FGF2: variants seen among roughly 807,000 people sequenced by gnomAD.
FGF2 encodes the protein basic fibroblast growth factor bFGF.
A neutral mutation model predicts 15.9 loss-of-function variants in FGF2; 13 were observed. The observed-to-expected ratio is 0.82, with a 90% CI of 0.53 to 1.30. The LOEUF (loss-of-function observed/expected upper bound fraction) is 1.30, where lower values mean the gene tolerates loss of function less well. Among genes scored for constraint, FGF2 ranks in the 50% most tolerant of loss-of-function variants. FGF2 has a pLI of 0.00. For missense variants in FGF2, 163 were observed against 196.9 expected (o/e 0.83, Z 1.03); for synonymous variants, 90 against 78.4 (o/e 1.15, Z -0.78).
At position 122,893,917 on chromosome 4, in the gene FGF2, A is replaced by G. The variant is rs1319867484; in HGVS notation, c.*1521A>G. On this transcript the variant is annotated 3_prime_UTR_variant, in exon 3 of 3. Coordinates refer to ENST00000644866, the MANE Select transcript of FGF2 (RefSeq NM_001361665.2). ...GCCTTCCTCTACCACTTTGCTGGAA[A>G]GCTTCACAATTGTCACAGACAAAGA... is the stretch of plus-strand genomic sequence containing the variant. 3.3e-5 allele frequency: 5 copies of G among 152,212 alleles called. No homozygotes were observed. The highest frequency in any genetic ancestry group is 3.3e-4 in the Admixed American group (5 of 15,278). 9.4% of individuals were successfully genotyped at this position (152,212 alleles called of 1,614,324 possible).
intron 1 of FGF2, among the ~76,000 whole-genome samples, chr4:122,831,850 T>C (rs1578447609): frequency 6.6e-6 from 1 of 152,358 alleles, no homozygotes; most frequent in East Asian, 1.9e-4. Flanking sequence ...TATGATGCCA[T>C]TTTATGTGGA....
intron 2 of FGF2, among the ~76,000 whole-genome samples, chr4:122,889,360 T>A (rs1388344875): frequency 6.6e-6 from 1 of 152,198 alleles, no homozygotes; most frequent in Non-Finnish European, 1.5e-5. Context: ...GACCCCTTTT[T>A]ATCCGAAGTT....
At chr4:122,873,496 T>G (rs2079709748) in intron 1 of FGF2, among the ~76,000 whole-genome samples, 1 of 152,244 alleles carries the variant, frequency 6.6e-6, no homozygotes. Context: ...ATTCCTCACA[T>G]CAGCAGCTAA....
rs760850966 is a variant in FGF2, at chr4:122,844,571, T to TTTTCTTTCTTTCTTTCTTTC, written c.178+17237_178+17238insTCTTTCTTTCTTTCTTTCTT. Among the ~76,000 whole-genome samples the TTTTCTTTCTTTCTTTCTTTC allele has an allele frequency of 9.3e-5, 12 of 128,354 alleles. 1 individual carries two copies. Among genetic ancestry groups the TTTTCTTTCTTTCTTTCTTTC allele is most frequent in the African/African-American group, 4.4e-4 (12 of 26,996 alleles). The allele number at this position is 128,354 out of a possible 152,430, so 84.2% of individuals were successfully genotyped here. On this transcript the variant is annotated intron_variant, in intron 1 of 2. Transcript: ENST00000644866. ...TTTCTTTCTCTTTTTCTTTCTTTCT[T>TTTTCTTTCTTTCTTTCTTTC]TTTCTTTCTTTCTTTCTTCCTTCCT...
intron 1 of FGF2, among the ~76,000 whole-genome samples, chr4:122,852,973 G>GC (rs5861581): frequency 1 from 152,236 of 152,336 alleles, 76,068 homozygotes; most frequent in Non-Finnish European, 1. Context: ...CTTTTCTGAG[G>GC]CCTTATTTAT....
chr4:122,856,151 A>G (rs1378740781), intron 1 of FGF2, among the ~76,000 whole-genome samples: 2 of 152,238 alleles, frequency 1.3e-5, no homozygotes, highest in African/African-American at 4.8e-5. Flanking sequence ...TTAGAATAAA[A>G]TCATTGAAAT....
At chr4:122,851,726 C>T (rs1726236301) in intron 1 of FGF2, among the ~76,000 whole-genome samples, 2 of 152,130 alleles carry the variant, frequency 1.3e-5, no homozygotes, top group South Asian at 4.1e-4. Flanking sequence ...GGCTTTTCTT[C>T]CTGGCCCTAA....
At chr4:122,839,051 C>T (rs368687237) in intron 1 of FGF2, among the ~76,000 whole-genome samples, 2 of 152,070 alleles carry the variant, frequency 1.3e-5, no homozygotes, top group East Asian at 1.9e-4. Context: ...GTTTGCAGCC[C>T]GGGAGCAATA....
chr4:122,893,244 G>A lies in FGF2; in HGVS notation c.*848G>A. 6.4e-7 allele frequency: 1 copy of A among 1,560,786 alleles called. No homozygotes were observed. Among genetic ancestry groups the A allele is most frequent in the Non-Finnish European group, 8.7e-7 (1 of 1,155,420 alleles). Reference sequence around the variant, plus strand: ...GTGTCTCCTACGTAAAAAAAGAGATGTACAAATCAATAATAATTACACTTT... The same window carrying A: ...GTGTCTCCTACGTAAAAAAAGAGATATACAAATCAATAATAATTACACTTT... On this transcript the variant is annotated 3_prime_UTR_variant, in exon 3 of 3. Coordinates refer to ENST00000644866, the MANE Select transcript of FGF2 (RefSeq NM_001361665.2).
At chr4:122,884,215 C>G (rs1234576425) in intron 2 of FGF2, among the ~76,000 whole-genome samples, 3 of 152,314 alleles carry the variant, frequency 2.0e-5, no homozygotes, top group East Asian at 3.9e-4. Context: ...AAATTTAGGC[C>G]TGGCACAATG....
At chr4:122,851,548 TA>T (rs1297713815) in intron 1 of FGF2, among the ~76,000 whole-genome samples, 1 of 152,176 alleles carries the variant, frequency 6.6e-6, no homozygotes. Flanking sequence ...TTAGCCGAAA[TA>T]TGGCTTAAAT....
chr4:122,832,874 T>G (rs1725791961), intron 1 of FGF2, among the ~76,000 whole-genome samples: 1 of 152,200 alleles, frequency 6.6e-6, no homozygotes, highest in African/African-American at 2.4e-5. Context: ...CAACAAGGCC[T>G]TTTAAGCTAG....
At chr4:122,867,490 A>AT (rs1192310601) in intron 1 of FGF2, among the ~76,000 whole-genome samples, 1 of 152,126 alleles carries the variant, frequency 6.6e-6, no homozygotes, top group Non-Finnish European at 1.5e-5. Context: ...CTGGCAGTTA[A>AT]TTTTTTTCTG....
chr4:122,892,656 A>G lies in FGF2; in HGVS notation c.*260A>G, dbSNP rs1166599503. On this transcript the variant is annotated 3_prime_UTR_variant, in exon 3 of 3. Coordinates refer to ENST00000644866, the MANE Select transcript of FGF2 (RefSeq NM_001361665.2). ...CCTAGAGCAATGATCTTTTTCACGC[A>G]TTTGCTTTATTCGAAAAGAGGCTTT... is the stretch of plus-strand genomic sequence containing the variant. The G allele has an allele frequency of 7.1e-7, 1 of 1,402,710 alleles. No individual in the cohort carries two copies. Among genetic ancestry groups the G allele is most frequent in the Non-Finnish European group, 9.3e-7 (1 of 1,070,334 alleles). 86.9% of individuals were successfully genotyped at this position (1,402,710 alleles called of 1,614,324 possible).
chr4:122,876,295 A>G (rs1388605616), intron 1 of FGF2, 26 bp from the exon 2 acceptor site: 3 of 1,391,304 alleles, frequency 2.2e-6, no homozygotes, highest in South Asian at 2.3e-5. Flanking sequence ...GTGGTGCTAC[A>G]AAGATAATTT....
intron 2 of FGF2, among the ~76,000 whole-genome samples, chr4:122,881,210 G>A (rs1317549889): frequency 6.6e-6 from 1 of 152,142 alleles, no homozygotes. Context: ...GGGAAGGACT[G>A]CTGCAAAGGT....
intron 1 of FGF2, among the ~76,000 whole-genome samples, chr4:122,869,552 A>C (rs1479164004): frequency 6.6e-6 from 1 of 152,104 alleles, no homozygotes; most frequent in Non-Finnish European, 1.5e-5. Context: ...GGTCCTTCAC[A>C]TCCCTTGTTA....
At chr4:122,836,846 T>C (rs1245468944) in intron 1 of FGF2, among the ~76,000 whole-genome samples, 1 of 152,244 alleles carries the variant, frequency 6.6e-6, no homozygotes, top group African/African-American at 2.4e-5. Flanking sequence ...AGCGTAGTCA[T>C]TTGTTGGATC....
chr4:122,832,399 C>T (rs992341547), intron 1 of FGF2, among the ~76,000 whole-genome samples: 10 of 151,906 alleles, frequency 6.6e-5, no homozygotes, highest in South Asian at 2.1e-4. Context: ...CACCTGCCAC[C>T]GCACCCAGCT....
Sources: gnomAD v4.1 joint callset for allele counts (sites outside exome capture counted in the v4.1 genomes callset) on GRCh38, gnomAD v4.1.1 for gene constraint, MANE v1.5 for transcripts, NCBI Gene and HGNC (gene_info 2026-07-23, HGNC 2026-07-21) for gene names.